The following BIN1 variants were observed in gnomAD, a reference collection of about 807,000 sequenced individuals.
BIN1 encodes myc box-dependent-interacting protein 1.
Under a neutral mutation model 82.0 loss-of-function variants are expected in BIN1, and 53 were observed. The ratio of observed to expected loss-of-function variants is 0.65; its 90% CI spans 0.52 to 0.81. The LOEUF (loss-of-function observed/expected upper bound fraction) is 0.81. BIN1 is among the 40% of genes least tolerant of loss of function. BIN1 has a pLI of 0.00. For synonymous variants in BIN1, 302 were observed against 328.0 expected, an observed-to-expected ratio of 0.92 and a Z score of 0.86; for missense variants, 642 against 784.4, an observed-to-expected ratio of 0.82 and a Z score of 2.17.
chr2:127,066,116 C>T (rs1685131387), intron 7 of BIN1, among the ~76,000 whole-genome samples: 1 of 152,160 alleles, frequency 6.6e-6, no homozygotes, highest in African/African-American at 2.4e-5. Context: ...CACTATCTCC[C>T]CAAAGTCAAG....
chr2:127,097,476 G>C (rs1679755670), intron 1 of BIN1, among the ~76,000 whole-genome samples: 1 of 152,132 alleles, frequency 6.6e-6, no homozygotes, highest in South Asian at 2.1e-4. Flanking sequence ...TGGAGAAGCA[G>C]GCATGCATGG....
At chr2:127,084,449 T>C (rs1279958793) in intron 1 of BIN1, among the ~76,000 whole-genome samples, 2 of 152,220 alleles carry the variant, frequency 1.3e-5, no homozygotes, top group East Asian at 1.9e-4. Flanking sequence ...CTCCAGGCGC[T>C]TCCTTACTTT....
Position 127,106,945 on chromosome 2 carries a change from G to A in BIN1, c.-2C>T, listed in dbSNP as rs1269851131. The A allele has an allele frequency of 6.2e-6, 10 of 1,610,710 alleles. No homozygotes were observed. Among genetic ancestry groups the A allele is most frequent in the Non-Finnish European group, 7.6e-6 (9 of 1,179,136 alleles). ...CCCTTTACTGCCCATCTCTGCCATC[G>A]CGGCGCAGGCCTCGCCCGGTGGCAG... is the stretch of plus-strand genomic sequence containing the variant. On this transcript the variant is annotated 5_prime_UTR_variant, in exon 1 of 19. Transcript: ENST00000316724.
At chr2:127,066,281 A>T (rs1481099372) in intron 7 of BIN1, among the ~76,000 whole-genome samples, 1 of 152,200 alleles carries the variant, frequency 6.6e-6, no homozygotes, top group Non-Finnish European at 1.5e-5. Context: ...CCCAAATGGG[A>T]CAGCTAGTTT....
rs79954335 is a variant in BIN1 at position 127,105,411 on chromosome 2, C to G, written c.84+1449G>C. ...GGCTGCATCTGTGCTGCCACCCCCCCACCCCACAACCTGAAGTCTTCCCAG... is the reference window on the plus strand; with the variant it reads ...GGCTGCATCTGTGCTGCCACCCCCCGACCCCACAACCTGAAGTCTTCCCAG... On this transcript the variant is annotated intron_variant, in intron 1 of 18. Transcript: ENST00000316724. 3.6e-3 allele frequency among the ~76,000 whole-genome samples: 548 copies of G among 152,056 alleles called. 2 individuals are homozygous for G. Among genetic ancestry groups the G allele is most frequent in the Non-Finnish European group, 6.1e-3 (412 of 67,956 alleles).
chr2:127,063,177 A>G (rs1319809254), intron 9 of BIN1, among the ~76,000 whole-genome samples: 1 of 152,242 alleles, frequency 6.6e-6, no homozygotes, highest in Non-Finnish European at 1.5e-5. Flanking sequence ...AAATGTCTCA[A>G]AAGCATGGGA....
At position 127,093,069 on chromosome 2, in the gene BIN1, C is replaced by T. The variant is rs1679145795; in HGVS notation, c.84+13791G>A. Among the ~76,000 whole-genome samples, 1 of 151,914 alleles carries T rather than the reference C, an allele frequency of 6.6e-6. No individual in the cohort carries two copies. The highest frequency in any genetic ancestry group is 1.5e-5 in the Non-Finnish European group (1 of 67,998). ...CCCCCACAGATGCCAGGTCAGCCCC[C>T]AGCCACCCCCACGCTAGGGCTGTCC... On this transcript the variant is annotated intron_variant, in intron 1 of 18. Transcript: ENST00000316724. The surrounding 1 kb of genome is among the most constrained non-coding windows in gnomAD (Gnocchi z 5.7).
chr2:127,106,281 C>T (rs1322876618), intron 1 of BIN1, among the ~76,000 whole-genome samples: 1 of 152,246 alleles, frequency 6.6e-6, no homozygotes, highest in African/African-American at 2.4e-5. Context: ...AGGCCGCAGG[C>T]ACCTCTCGGG....
Position 127,048,337 on chromosome 2 carries a change from A to T in BIN1, c.*189T>A. 1 of 604,106 alleles carries T rather than the reference A, an allele frequency of 1.7e-6. No individual in the cohort carries two copies. The highest frequency in any genetic ancestry group is 2.9e-6 in the Non-Finnish European group (1 of 340,900). 37.4% of individuals were successfully genotyped at this position (604,106 alleles called of 1,614,324 possible). A position where few individuals can be genotyped will look rare whatever the true frequency, so the allele number is the denominator to read the frequency against. ...CAGGAACACTGGTGAATTCCGCCGG[A>T]CTTGCCGGGACGCGGCTCTTTGGAA... is the stretch of plus-strand genomic sequence containing the variant. On this transcript the variant is annotated 3_prime_UTR_variant, in exon 19 of 19. Coordinates refer to ENST00000316724, the MANE Select transcript of BIN1 (RefSeq NM_139343.3).
In BIN1 at chr2:127,068,804, C is replaced by T. The variant is rs1047562516; in HGVS notation, c.519+120G>A. The T allele has an allele frequency of 2.0e-6, 2 of 978,462 alleles. No individual in the cohort carries two copies. The highest frequency in any genetic ancestry group is 3.8e-5 in the Admixed American group (2 of 53,152). 60.6% of individuals were successfully genotyped at this position (978,462 alleles called of 1,614,324 possible). ...TCACCGGCCTGGGCCCTGTATCGTC[C>T]CCACCCCCAGTTCAGCCACCTGGGG... On this transcript the variant is annotated intron_variant, in intron 6 of 18. Coordinates refer to ENST00000316724, the MANE Select transcript of BIN1 (RefSeq NM_139343.3). This position sits in a 1 kb window ranked among gnomAD's most constrained non-coding sequence, Gnocchi z 4.9.
At chr2:127,054,919 C>T (rs1683445314) in intron 12 of BIN1, 1 of 152,276 alleles carries the variant, frequency 6.6e-6, no homozygotes, top group Admixed American at 6.5e-5. Context: ...AGCCCTGGGG[C>T]AGCATCCATG....
At chr2:127,049,296 C>T (rs564710329) in intron 18 of BIN1, among the ~76,000 whole-genome samples, 1 of 152,346 alleles carries the variant, frequency 6.6e-6, no homozygotes, top group Non-Finnish European at 1.5e-5. Context: ...TCACTGTGGG[C>T]TCTGGGTAGC....
intron 1 of BIN1, among the ~76,000 whole-genome samples, chr2:127,083,728 G>A (rs995862341): frequency 7.2e-5 from 11 of 152,120 alleles, no homozygotes; most frequent in Admixed American, 2.6e-4. Flanking sequence ...AATATTCCCC[G>A]TATGCCTATT....
At chr2:127,069,190 T>C (rs1685539235) in intron 5 of BIN1, among the ~76,000 whole-genome samples, 159 bp from the exon 6 acceptor site, 1 of 152,118 alleles carries the variant, frequency 6.6e-6, no homozygotes, top group South Asian at 2.1e-4. Flanking sequence ...GGCAGAGAGC[T>C]CACCCCCTCC....
chr2:127,095,359 C>T (rs1014077162), intron 1 of BIN1, among the ~76,000 whole-genome samples: 6 of 152,290 alleles, frequency 3.9e-5, no homozygotes, highest in African/African-American at 1.4e-4. Context: ...TGTCGGTACC[C>T]AGGTCCCCTG....
Position 127,096,413 on chromosome 2 carries a change from T to C in BIN1, c.84+10447A>G, listed in dbSNP as rs752352377. 1.5e-3 allele frequency among the ~76,000 whole-genome samples: 225 copies of C among 152,168 alleles called. 2 individuals carry two copies. Among genetic ancestry groups the C allele is most frequent in the Non-Finnish European group, 2.9e-3 (195 of 67,986 alleles). On this transcript the variant is annotated intron_variant, in intron 1 of 18. Transcript: ENST00000316724. Reference sequence around the variant, plus strand: ...TGCTCCCTGGGAAAGAGCGTTTGCATCACCCACCAGGGAGGGCAGAGCTGC... The same window carrying C: ...TGCTCCCTGGGAAAGAGCGTTTGCACCACCCACCAGGGAGGGCAGAGCTGC...
At position 127,068,201 on chromosome 2, in the gene BIN1, C is replaced by T; in HGVS notation, c.574G>A (p.Ala192Thr). 1 of 1,613,768 alleles carries T rather than the reference C, an allele frequency of 6.2e-7. No homozygotes were observed. Among genetic ancestry groups the T allele is most frequent in the Non-Finnish European group, 8.5e-7 (1 of 1,179,974 alleles). The change falls in exon 7 of 19, where the codon GCT becomes ACT. Residue 192 changes from alanine to threonine, a missense_variant. Transcript: ENST00000316724. This position sits in a 1 kb window ranked among gnomAD's most constrained non-coding sequence, Gnocchi z 4.9. ...APQWCQGKLQAHLVAQTNLLR... is the reference protein window; with the variant it reads ...APQWCQGKLQTHLVAQTNLLR... ...AGGTTAGTTTGAGCTACGAGATGAGCCTGCAGTTTGCCTTGGCACCACTGG... is the reference window on the plus strand; with the variant it reads ...AGGTTAGTTTGAGCTACGAGATGAGTCTGCAGTTTGCCTTGGCACCACTGG...
At position 127,105,411 on chromosome 2, in the gene BIN1, C is replaced by T. The variant is rs79954335; in HGVS notation, c.84+1449G>A. ...GGCTGCATCTGTGCTGCCACCCCCC[C>T]ACCCCACAACCTGAAGTCTTCCCAG... is the stretch of plus-strand genomic sequence containing the variant. On this transcript the variant is annotated intron_variant, in intron 1 of 18. Coordinates refer to ENST00000316724, the MANE Select transcript of BIN1 (RefSeq NM_139343.3). Among the ~76,000 whole-genome samples, 598 of 152,056 alleles carry T rather than the reference C, an allele frequency of 3.9e-3. 7 individuals are homozygous for T. The highest frequency in any genetic ancestry group is 0.014 in the African/African-American group (575 of 41,506).
chr2:127,063,770 C>T, intron 8 of BIN1, 124 bp from the exon 9 acceptor site: 1 of 1,387,782 alleles, frequency 7.2e-7, no homozygotes, highest in Non-Finnish European at 1.0e-6. Context: ...GGCCCAGGCA[C>T]CGCAGCACTC....
Sources: gnomAD v4.1 joint callset for allele counts (sites outside exome capture counted in the v4.1 genomes callset) on GRCh38, gnomAD v4.1.1 for gene constraint, Gnocchi (gnomAD v3.1) non-coding constraint, MANE v1.5 for transcripts, NCBI Gene and HGNC (gene_info 2026-07-23, HGNC 2026-07-21) for gene names.